The following GABRA2 variants were observed in gnomAD, a reference collection of about 807,000 sequenced individuals.
GABRA2 encodes the protein gamma-aminobutyric acid type A receptor subunit alpha2.
Under a neutral mutation model 48.7 loss-of-function variants are expected in GABRA2, and 16 were observed. The ratio of observed to expected loss-of-function variants is 0.33; its 90% confidence interval spans 0.22 to 0.50. The LOEUF is 0.50. Ranked by LOEUF, GABRA2 falls within the 20% of genes least tolerant of loss-of-function variation. The pLI is 0.98. For synonymous variants in GABRA2, 185 were observed against 184.5 expected (o/e 1.00, Z -0.02); for missense variants, 275 against 535.6 (o/e 0.51, Z 4.80).
chr4:46,378,495 TCAAGTACC>T (rs1318543183), intron 3 of GABRA2, among the ~76,000 whole-genome samples: 1 of 151,618 alleles, frequency 6.6e-6, no homozygotes, highest in Non-Finnish European at 1.5e-5. Context: ...CTCCCTAATC[TCAAGTACC>T]CAGGGACACA....
chr4:46,260,588 C>T (rs1339978336), intron 9 of GABRA2, among the ~76,000 whole-genome samples: 2 of 151,730 alleles, frequency 1.3e-5, no homozygotes, highest in Non-Finnish European at 1.5e-5. Flanking sequence ...TTACAAAGGT[C>T]TAATATTTTA....
intron 3 of GABRA2, among the ~76,000 whole-genome samples, chr4:46,348,347 C>T (rs1379799744): frequency 1.3e-5 from 2 of 151,932 alleles, no homozygotes; most frequent in Admixed American, 1.3e-4. Context: ...CTAGTTCAAC[C>T]ATTGTGGAAG....
rs1042487040 is a variant in GABRA2 at position 46,389,333 on chromosome 4, C to T, written c.-11+402G>A. ...CACCCACGGTTGCCCAAGACCAAGT[C>T]TTAGAGGCAGCCGGGTTCCGATCAA... On this transcript the variant is annotated intron_variant, in intron 1 of 9. Transcript: ENST00000381620. The T allele has an allele frequency of 4.3e-5, 42 of 985,294 alleles. No homozygotes were observed. The African/African-American group carries it at 6.6e-4, about 16-fold the overall frequency. 61.0% of individuals were successfully genotyped at this position (985,294 alleles called of 1,614,324 possible).
intron 3 of GABRA2, among the ~76,000 whole-genome samples, chr4:46,342,719 C>T (rs570652337): frequency 6.6e-6 from 1 of 152,168 alleles, no homozygotes; most frequent in South Asian, 2.1e-4. Flanking sequence ...ATGATCACAA[C>T]ATCATAGCTC....
At chr4:46,329,840 A>C (rs539746503) in intron 4 of GABRA2, among the ~76,000 whole-genome samples, 1 of 152,216 alleles carries the variant, frequency 6.6e-6, no homozygotes, top group African/African-American at 2.4e-5. Context: ...GCCTGACTAA[A>C]TGAGGTAAAT....
intron 4 of GABRA2, among the ~76,000 whole-genome samples, chr4:46,321,185 T>C (rs1399648181): frequency 6.6e-6 from 1 of 151,774 alleles, no homozygotes; most frequent in Non-Finnish European, 1.5e-5. Context: ...GAAAGGTACG[T>C]TGGTTGTTTG....
chr4:46,340,913 G>A lies in GABRA2; in HGVS notation c.188-8231C>T, dbSNP rs149188212. On this transcript the variant is annotated intron_variant, in intron 3 of 9. Coordinates refer to ENST00000381620, the MANE Select transcript of GABRA2 (RefSeq NM_000807.4). ...TCTCTAGGTCTTTAAGGCTGTATTC[G>A]TTTCTTCTTCTTTTTTTTCTTATGT... Among the ~76,000 whole-genome samples, 230 of 151,564 alleles carry A rather than the reference G, an allele frequency of 1.5e-3. 3 individuals carry two copies. Among genetic ancestry groups the A allele is most frequent in the African/African-American group, 5.3e-3 (220 of 41,380 alleles).
At chr4:46,336,480 A>T (rs896138817) in intron 3 of GABRA2, among the ~76,000 whole-genome samples, 2 of 152,192 alleles carry the variant, frequency 1.3e-5, no homozygotes, top group Non-Finnish European at 2.9e-5. Flanking sequence ...ATGGTTTACC[A>T]TTAGCAGAAA....
chr4:46,262,262 A>G lies in GABRA2; in HGVS notation c.857-134T>C, dbSNP rs1316599072. On this transcript the variant is annotated intron_variant, in intron 8 of 9. Coordinates refer to ENST00000381620, the MANE Select transcript of GABRA2 (RefSeq NM_000807.4). ...CCACTAAATAATAATAAATAAATGA[A>G]TAAATACTGGAATTTATATTAAAGT... 11 of 584,154 alleles carry G rather than the reference A, an allele frequency of 1.9e-5. No individual in the cohort carries two copies. In the East Asian group the frequency reaches 2.8e-4, roughly 15 times the overall value. The allele number at this position is 584,154 out of a possible 1,614,324, so 36.2% of individuals were successfully genotyped here. A position where few individuals can be genotyped will look rare whatever the true frequency, so the allele number is the denominator to read the frequency against.
At position 46,307,440 on chromosome 4, in the gene GABRA2, G is replaced by GT. The variant is rs34790075; in HGVS notation, c.560-1730dup. ...TCTGTAGTCGTCAATAAATTATGAAGTTTTTTTTTTTTTTTAGCGGAACGA... is the reference window on the plus strand; with the variant it reads ...TCTGTAGTCGTCAATAAATTATGAAGTTTTTTTTTTTTTTTTAGCGGAACGA... On this transcript the variant is annotated intron_variant, in intron 6 of 9. Transcript: ENST00000381620. 9.0e-3 allele frequency among the ~76,000 whole-genome samples: 1,294 copies of GT among 144,534 alleles called. 9 individuals carry two copies. The highest frequency in any genetic ancestry group is 0.022 in the African/African-American group (879 of 39,532). The allele number at this position is 144,534 out of a possible 152,430, so 94.8% of individuals were successfully genotyped here.
At chr4:46,324,745 T>A (rs1730044212) in intron 4 of GABRA2, among the ~76,000 whole-genome samples, 1 of 151,454 alleles carries the variant, frequency 6.6e-6, no homozygotes, top group South Asian at 2.1e-4. Context: ...TAAGCTTCAG[T>A]GTCTATTGTT....
intron 8 of GABRA2, among the ~76,000 whole-genome samples, chr4:46,295,804 C>T (rs1206899959): frequency 1.3e-5 from 2 of 152,218 alleles, no homozygotes; most frequent in Non-Finnish European, 2.9e-5. Flanking sequence ...TGTTTGTTCT[C>T]ACTTGAATGG....
At chr4:46,352,885 C>A (rs907653008) in intron 3 of GABRA2, among the ~76,000 whole-genome samples, 1 of 151,972 alleles carries the variant, frequency 6.6e-6, no homozygotes, top group Non-Finnish European at 1.5e-5. Flanking sequence ...TAAGTTTAAC[C>A]CAGCTGTAAA....
chr4:46,371,614 G>A (rs1714907161), intron 3 of GABRA2, among the ~76,000 whole-genome samples: 1 of 151,920 alleles, frequency 6.6e-6, no homozygotes, highest in African/African-American at 2.4e-5. Flanking sequence ...ACTCATAGAG[G>A]ATGATATAAC....
intron 9 of GABRA2, among the ~76,000 whole-genome samples, chr4:46,252,153 G>A (rs1324155944): frequency 1.3e-5 from 2 of 151,300 alleles, no homozygotes; most frequent in Admixed American, 6.6e-5. Context: ...AAACAGTCAT[G>A]GATTACCCAT....
At chr4:46,298,155 G>T (rs1467572145) in intron 8 of GABRA2, among the ~76,000 whole-genome samples, 1 of 152,008 alleles carries the variant, frequency 6.6e-6, no homozygotes. Context: ...CCTAATATCA[G>T]TTCTATTCTA....
At chr4:46,345,304 C>A (rs1040034192) in intron 3 of GABRA2, among the ~76,000 whole-genome samples, 3 of 151,838 alleles carry the variant, frequency 2.0e-5, no homozygotes, top group Admixed American at 1.3e-4. Context: ...TGAAAATGGA[C>A]TAATACACCA....
At chr4:46,284,537 A>T (rs1486773382) in intron 8 of GABRA2, among the ~76,000 whole-genome samples, 8 of 152,214 alleles carry the variant, frequency 5.3e-5, no homozygotes, top group Non-Finnish European at 8.8e-5. Context: ...TGCAAAATAC[A>T]AGGATATCTT....
intron 8 of GABRA2, among the ~76,000 whole-genome samples, chr4:46,277,699 G>A (rs974516285): frequency 2.0e-5 from 3 of 152,048 alleles, no homozygotes; most frequent in Middle Eastern, 3.2e-3. Context: ...TTATCCATGG[G>A]CTGCAAATTC....
Sources: gnomAD v4.1 joint callset for allele counts (sites outside exome capture counted in the v4.1 genomes callset) on GRCh38, gnomAD v4.1.1 for gene constraint, MANE v1.5 for transcripts, NCBI Gene and HGNC (gene_info 2026-07-23, HGNC 2026-07-21) for gene names.